The following TRHDE variants were observed in gnomAD, a reference collection of about 807,000 sequenced individuals.
TRHDE encodes the protein thyrotropin releasing hormone degrading enzyme.
A neutral mutation model predicts 125.7 loss-of-function variants in TRHDE; 72 were observed. The ratio of observed to expected loss-of-function variants is 0.57; its 90% CI spans 0.47 to 0.70. The LOEUF (loss-of-function observed/expected upper bound fraction) is 0.70, where lower values mean the gene tolerates loss of function less well. TRHDE is among the 30% of genes least tolerant of loss of function. TRHDE has a pLI of 0.00. For missense variants in TRHDE, 1,110 were observed against 1,327.1 expected, an observed-to-expected ratio of 0.84 and a Z score of 2.54; for synonymous variants, 509 against 509.1, an observed-to-expected ratio of 1.00 and a Z score of 0.00.
At chr12:72,088,230 G>A (rs1031282180) in intron 1 of TRHDE, among the ~76,000 whole-genome samples, 1 of 152,102 alleles carries the variant, frequency 6.6e-6, no homozygotes, top group African/African-American at 2.4e-5. Flanking sequence ...ATGTTATCTT[G>A]AGAAGTGATG....
intron 12 of TRHDE, among the ~76,000 whole-genome samples, chr12:72,614,330 A>ATATT (rs531067163): frequency 7.7e-5 from 10 of 129,858 alleles, no homozygotes; most frequent in South Asian, 4.8e-4. Context: ...ATATATATAT[A>ATATT]TTTTTTTTTT....
At chr12:72,380,894 C>T (rs1565720706) in intron 3 of TRHDE, among the ~76,000 whole-genome samples, 1 of 148,320 alleles carries the variant, frequency 6.7e-6, no homozygotes, top group Non-Finnish European at 1.5e-5. Context: ...TTCTTCCTTC[C>T]TTCCTTCCTT....
chr12:72,381,196 A>C (rs1872159812), intron 3 of TRHDE, among the ~76,000 whole-genome samples: 1 of 152,128 alleles, frequency 6.6e-6, no homozygotes, highest in Non-Finnish European at 1.5e-5. Context: ...CTTCACAACA[A>C]AGAGTTATTT....
intron 6 of TRHDE, among the ~76,000 whole-genome samples, chr12:72,521,287 A>G (rs1241821130): frequency 6.6e-6 from 1 of 152,166 alleles, no homozygotes; most frequent in Non-Finnish European, 1.5e-5. Context: ...TTTAATTTGC[A>G]TTGCCTCCCT....
At chr12:72,493,203 C>A (rs1435733658) in intron 5 of TRHDE, among the ~76,000 whole-genome samples, 1 of 151,740 alleles carries the variant, frequency 6.6e-6, no homozygotes, top group African/African-American at 2.4e-5. Context: ...GAAATTATAT[C>A]CAGATATTGT....
chr12:72,355,410 G>A (rs1405318643), intron 2 of TRHDE, among the ~76,000 whole-genome samples: 1 of 151,286 alleles, frequency 6.6e-6, no homozygotes, highest in African/African-American at 2.4e-5. Context: ...TCAAGATGGA[G>A]GCTACATGGT....
intron 6 of TRHDE, among the ~76,000 whole-genome samples, chr12:72,519,717 G>A (rs1392816285): frequency 6.6e-6 from 1 of 152,180 alleles, no homozygotes; most frequent in Non-Finnish European, 1.5e-5. Flanking sequence ...GAGGAGAGGT[G>A]CTCTGCTTTT....
chr12:72,191,170 A>C (rs1317381147), intron 2 of TRHDE, among the ~76,000 whole-genome samples: 1 of 152,176 alleles, frequency 6.6e-6, no homozygotes, highest in Non-Finnish European at 1.5e-5. Flanking sequence ...ACAGACAAAA[A>C]CCTTTATAGA....
chr12:72,301,789 T>C (rs1868263727), intron 2 of TRHDE, among the ~76,000 whole-genome samples: 1 of 152,176 alleles, frequency 6.6e-6, no homozygotes, highest in African/African-American at 2.4e-5. Context: ...AGTTGATGTC[T>C]CACTAGTGAG....
At chr12:72,160,625 G>T (rs1272326880) in intron 2 of TRHDE, among the ~76,000 whole-genome samples, 1 of 152,092 alleles carries the variant, frequency 6.6e-6, no homozygotes, top group Non-Finnish European at 1.5e-5. Flanking sequence ...GGAGGCGGAG[G>T]TTACAGTGAG....
intron 2 of TRHDE, among the ~76,000 whole-genome samples, chr12:72,122,560 T>A (rs1472584875): frequency 6.6e-6 from 1 of 152,192 alleles, no homozygotes; most frequent in Non-Finnish European, 1.5e-5. Flanking sequence ...GAGAGTTTTT[T>A]TTCAAATAAT....
chr12:72,435,977 C>T (rs533645052), intron 3 of TRHDE, among the ~76,000 whole-genome samples: 10 of 151,990 alleles, frequency 6.6e-5, no homozygotes, highest in Admixed American at 2.0e-4. Flanking sequence ...ATGTTCCCCC[C>T]GACCAATAAA....
chr12:72,583,746 G>A (rs12298218), intron 12 of TRHDE, among the ~76,000 whole-genome samples: 40,363 of 151,914 alleles, frequency 0.27, 8,156 homozygotes, highest in African/African-American at 0.54. Context: ...TTTGCTCAAG[G>A]TTAGAGATTG....
At chr12:72,238,326 ATATATATACACATT>A (rs1878397880) in intron 2 of TRHDE, among the ~76,000 whole-genome samples, 1 of 41,280 alleles carries the variant, frequency 2.4e-5, no homozygotes. Context: ...ATATATACAT[ATATATATACACATT>A]ATATATATAT....
At chr12:72,381,074 C>A (rs1237110286) in intron 3 of TRHDE, among the ~76,000 whole-genome samples, 2 of 152,054 alleles carry the variant, frequency 1.3e-5, no homozygotes, top group Non-Finnish European at 2.9e-5. Context: ...TTGGTAATAT[C>A]TGGAGACATT....
At chr12:72,393,770 T>C (rs7966187) in intron 3 of TRHDE, among the ~76,000 whole-genome samples, 152,066 of 152,340 alleles carry the variant, frequency 1, 75,897 homozygotes, top group Non-Finnish European at 1. Flanking sequence ...GCCTAGAGAA[T>C]AAATCTTAGA....
chr12:72,396,526 A>G (rs1255287510), intron 3 of TRHDE, among the ~76,000 whole-genome samples: 1 of 152,030 alleles, frequency 6.6e-6, no homozygotes, highest in Non-Finnish European at 1.5e-5. Flanking sequence ...CGGGTGGATC[A>G]TGAGGTCAAG....
intron 2 of TRHDE, among the ~76,000 whole-genome samples, chr12:72,350,087 C>G (rs1310535778): frequency 6.6e-6 from 1 of 152,000 alleles, no homozygotes; most frequent in Non-Finnish European, 1.5e-5. Flanking sequence ...ACTCCTTCCT[C>G]TAACCAACTT....
intron 2 of TRHDE, among the ~76,000 whole-genome samples, chr12:72,229,233 C>T (rs191826823): frequency 9.9e-5 from 15 of 152,230 alleles, no homozygotes; most frequent in South Asian, 4.2e-4. Flanking sequence ...CAGTTTCATA[C>T]GGGTGGGGAG....
Sources: allele counts gnomAD v4.1 joint callset (sites outside exome capture counted in the v4.1 genomes callset), GRCh38; gene constraint gnomAD v4.1.1; transcripts MANE v1.5; gene names NCBI Gene and HGNC (gene_info 2026-07-23, HGNC 2026-07-21).